JAK2: variants seen among roughly 807,000 people sequenced by gnomAD.
The protein encoded by JAK2 is Janus kinase 2.
Under a neutral mutation model 139.3 loss-of-function variants are expected in JAK2, and 86 were observed. That is an observed-to-expected ratio of 0.62 (90% CI 0.52 to 0.74). The LOEUF is 0.74. Among genes scored for constraint, JAK2 ranks in the 30% least tolerant of loss-of-function variants. The pLI is 0.00. For missense variants in JAK2, 1,421 were observed against 1,360.3 expected, an observed-to-expected ratio of 1.04 and a Z score of -0.70; for synonymous variants, 490 against 437.7, an observed-to-expected ratio of 1.12 and a Z score of -1.49.
chr9:5,114,591 G>C (rs1482614239), intron 22 of JAK2: 1 of 491,458 alleles, frequency 2.0e-6, no homozygotes, highest in Non-Finnish European at 4.0e-6. Flanking sequence ...GGACATCTTG[G>C]TGCAGTGGCT....
At chr9:4,997,662 C>T (rs180716743) in intron 2 of JAK2, among the ~76,000 whole-genome samples, 3 of 152,128 alleles carry the variant, frequency 2.0e-5, no homozygotes, top group South Asian at 4.2e-4. Context: ...CTTGCTGTAC[C>T]CCTCAGCCTC....
At chr9:5,086,637 T>C (rs138323030) in intron 19 of JAK2, among the ~76,000 whole-genome samples, 58 of 152,344 alleles carry the variant, frequency 3.8e-4, no homozygotes, top group Admixed American at 7.8e-4. Flanking sequence ...GTTATGATTA[T>C]GTTAAATGAG....
rs973191520 is a variant in JAK2 at position 5,041,840 on chromosome 9, G to T, written c.351-2563G>T. On this transcript the variant is annotated intron_variant, in intron 4 of 24. Transcript: ENST00000381652. ...ACCAGGCGCTGAACTCCACCAATGG[G>T]GAGCTGAACGCGGACGACCCCATGG... 1.8e-3 allele frequency: 834 copies of T among 475,440 alleles called. 7 individuals are homozygous for T. Among genetic ancestry groups the T allele is most frequent in the Non-Finnish European group, 2.1e-3 (496 of 238,678 alleles). 29.5% of individuals were successfully genotyped at this position (475,440 alleles called of 1,614,324 possible). A position where few individuals can be genotyped will look rare whatever the true frequency, so the allele number is the denominator to read the frequency against.
rs940200687 is a variant in JAK2 at position 5,044,584 on chromosome 9, CACTT to C, written c.468+66_468+69del. On this transcript the variant is annotated intron_variant, in intron 5 of 24. Coordinates refer to ENST00000381652, the MANE Select transcript of JAK2 (RefSeq NM_004972.4). ...ATAAATATCTTGCTGTTTAATAAGTCACTTAATCAGGAAAAACTTTACATATGGG... is the reference window on the plus strand; with the variant it reads ...ATAAATATCTTGCTGTTTAATAAGTCAATCAGGAAAAACTTTACATATGGG... 7 of 1,036,046 alleles carry C rather than the reference CACTT, an allele frequency of 6.8e-6. No individual in the cohort carries two copies. In the African/African-American group the frequency reaches 8.1e-5, roughly 12 times the overall value. 64.2% of individuals were successfully genotyped at this position (1,036,046 alleles called of 1,614,324 possible). A position where few individuals can be genotyped will look rare whatever the true frequency, so the allele number is the denominator to read the frequency against.
At chr9:5,124,850 G>A (rs1823872074) in intron 23 of JAK2, among the ~76,000 whole-genome samples, 1 of 151,388 alleles carries the variant, frequency 6.6e-6, no homozygotes, top group Non-Finnish European at 1.5e-5. Context: ...AGAATAGTAA[G>A]CCTAGGACTC....
At chr9:5,105,947 A>C (rs1428832168) in intron 22 of JAK2, among the ~76,000 whole-genome samples, 1 of 152,244 alleles carries the variant, frequency 6.6e-6, no homozygotes, top group African/African-American at 2.4e-5. Flanking sequence ...TTAGACTTAA[A>C]ACCATAAAAG....
chr9:5,011,390 A>G lies in JAK2; in HGVS notation c.-25-10573A>G, dbSNP rs1033041520. 6.6e-5 allele frequency among the ~76,000 whole-genome samples: 10 copies of G among 152,130 alleles called. 1 individual carries two copies. The highest frequency in any genetic ancestry group is 6.8e-3 in the Middle Eastern group (2 of 294). ...TTTTTTGTAGAGATGGGGTCTTGCT[A>G]TGTTGCCAGGGCTAGTCTTGAACTC... On this transcript the variant is annotated intron_variant, in intron 2 of 24. Coordinates refer to ENST00000381652, the MANE Select transcript of JAK2 (RefSeq NM_004972.4).
intron 19 of JAK2, among the ~76,000 whole-genome samples, chr9:5,088,766 AC>A (rs1293462008): frequency 6.6e-6 from 1 of 152,200 alleles, no homozygotes; most frequent in Non-Finnish European, 1.5e-5. Flanking sequence ...CTGTGTCCTC[AC>A]ATGGGAGAGA....
At chr9:5,043,076 C>T (rs1431693766) in intron 4 of JAK2, among the ~76,000 whole-genome samples, 1 of 152,208 alleles carries the variant, frequency 6.6e-6, no homozygotes, top group African/African-American at 2.4e-5. Context: ...CTCTGTGCTC[C>T]GCCCCCTGGC....
rs777571524 is a variant in JAK2 at position 5,072,572 on chromosome 9, T to C, written c.1722T>C (p.His574=). ...AAGTAGGAGACTACGGTCAACTGCA[T>C]GAAACAGAAGTTCTTTTAAAAGTTC... is the stretch of plus-strand genomic sequence containing the variant. ...RREVGDYGQL[H]ETEVLLKVLD... is the part of the protein sequence containing the mutation. Residue 574 remains histidine (H), a synonymous_variant, in exon 13 of 25, where the codon CAT becomes CAC. Transcript: ENST00000381652. 6.2e-6 allele frequency: 10 copies of C among 1,611,178 alleles called. No individual in the cohort carries two copies. The highest frequency in any genetic ancestry group is 8.5e-6 in the Non-Finnish European group (10 of 1,178,216).
intron 10 of JAK2, among the ~76,000 whole-genome samples, chr9:5,067,896 G>T (rs896117114): frequency 1.3e-5 from 2 of 152,148 alleles, no homozygotes; most frequent in Non-Finnish European, 2.9e-5. Context: ...GCTCACACCT[G>T]TAATACCAGC....
intron 22 of JAK2, among the ~76,000 whole-genome samples, chr9:5,095,748 C>G (rs1034824446): frequency 9.2e-5 from 14 of 152,158 alleles, no homozygotes; most frequent in Admixed American, 9.2e-4. Flanking sequence ...AAACACAATT[C>G]TGCAAAATCT....
chr9:5,063,550 T>C (rs1460167094), intron 8 of JAK2, among the ~76,000 whole-genome samples: 2 of 152,182 alleles, frequency 1.3e-5, no homozygotes, highest in Non-Finnish European at 2.9e-5. Flanking sequence ...TTTTTCTAGG[T>C]ACAGCCTCTG....
intron 22 of JAK2, among the ~76,000 whole-genome samples, chr9:5,102,161 G>C (rs957093327): frequency 2.0e-5 from 3 of 152,230 alleles, no homozygotes; most frequent in Admixed American, 1.3e-4. Context: ...TAGACCAATG[G>C]CTAACTACAA....
intron 8 of JAK2, among the ~76,000 whole-genome samples, chr9:5,058,140 G>A (rs1375400921): frequency 6.6e-6 from 1 of 152,098 alleles, no homozygotes; most frequent in Admixed American, 6.5e-5. Flanking sequence ...GAGTAATGCT[G>A]CTGTGAACAT....
chr9:4,990,093 T>A (rs1820156646), intron 2 of JAK2, among the ~76,000 whole-genome samples: 1 of 152,164 alleles, frequency 6.6e-6, no homozygotes, highest in South Asian at 2.1e-4. Flanking sequence ...TAAGTCAGAT[T>A]GCAGAGATGT....
intron 22 of JAK2, among the ~76,000 whole-genome samples, chr9:5,106,689 C>T (rs1166894604): frequency 3.9e-5 from 6 of 151,990 alleles, no homozygotes; most frequent in Non-Finnish European, 7.3e-5. Context: ...GAAAATATGC[C>T]ACAAATATCC....
chr9:5,044,341 T>C, intron 4 of JAK2, 62 bp from the exon 5 acceptor site: 2 of 983,878 alleles, frequency 2.0e-6, no homozygotes, highest in Non-Finnish European at 1.6e-6. Flanking sequence ...TGACTATATA[T>C]AGATAGTACG....
intron 22 of JAK2, among the ~76,000 whole-genome samples, chr9:5,119,782 TTTCA>T (rs1823473467): frequency 6.6e-6 from 1 of 152,128 alleles, no homozygotes; most frequent in African/African-American, 2.4e-5. Context: ...TGATCAAAAT[TTTCA>T]TATGTACTTA....
Sources: allele counts gnomAD v4.1 joint callset (sites outside exome capture counted in the v4.1 genomes callset), GRCh38; gene constraint gnomAD v4.1.1; transcripts MANE v1.5; gene names NCBI Gene and HGNC (gene_info 2026-07-23, HGNC 2026-07-21).